YIPF7: variants seen among roughly 807,000 people sequenced by gnomAD.
YIPF7 encodes protein YIPF7.
In YIPF7, 35 loss-of-function variants were observed where a neutral mutation model predicts 27.2. The ratio of observed to expected loss-of-function variants is 1.29; its 90% CI spans 0.98 to 1.70. The LOEUF is 1.70. Among genes scored for constraint, YIPF7 ranks in the 40% most tolerant of loss-of-function variants. The pLI is 0.00. For synonymous variants in YIPF7, 137 were observed against 110.4 expected, an observed-to-expected ratio of 1.24 and a Z score of -1.51; for missense variants, 358 against 303.7, an observed-to-expected ratio of 1.18 and a Z score of -1.33.
intron 5 of YIPF7, among the ~76,000 whole-genome samples, chr4:44,624,088 GGA>G: frequency 6.8e-6 from 1 of 146,530 alleles, no homozygotes; most frequent in Non-Finnish European, 1.5e-5. Flanking sequence ...ATTTTGAGGT[GGA>G]GTTTCACTCT....
At position 44,635,954 on chromosome 4, in the gene YIPF7, T is replaced by C; in HGVS notation, c.248A>G (p.Asp83Gly). The C allele has an allele frequency of 6.2e-7, 1 of 1,613,876 alleles. No homozygotes were observed. Among genetic ancestry groups the C allele is most frequent in the Non-Finnish European group, 8.5e-7 (1 of 1,179,814 alleles). Residue 83 changes from aspartate to glycine, a missense_variant, in exon 3 of 6, where the codon GAC becomes GGC. Physicochemically the swap from Asp to Gly is moderately conservative, Grantham distance 94. Coordinates refer to ENST00000415895, the MANE Select transcript of YIPF7 (RefSeq NM_182592.3). ...CAAAGGAGGCTCTTCATCAAAACTGTCAATGTAAGGAGATTGTGAATAATA... is the reference window on the plus strand; with the variant it reads ...CAAAGGAGGCTCTTCATCAAAACTGCCAATGTAAGGAGATTGTGAATAATA... ...SDYYSQSPYI[D>G]SFDEEPPLLE...
intron 3 of YIPF7, among the ~76,000 whole-genome samples, 180 bp downstream of exon 3, chr4:44,635,742 T>C (rs973706593): frequency 7.2e-5 from 11 of 152,178 alleles, no homozygotes; most frequent in East Asian, 5.8e-4. Context: ...CAATTTCCCC[T>C]ATGCAAACAT....
At chr4:44,646,718 A>G (rs1008475549) in intron 2 of YIPF7, among the ~76,000 whole-genome samples, 1 of 152,192 alleles carries the variant, frequency 6.6e-6, no homozygotes, top group Non-Finnish European at 1.5e-5. Context: ...TAGTGAGCAC[A>G]GTCACCCAGC....
At chr4:44,634,913 T>C (rs1386626233) in intron 3 of YIPF7, among the ~76,000 whole-genome samples, 1 of 152,218 alleles carries the variant, frequency 6.6e-6, no homozygotes, top group Non-Finnish European at 1.5e-5. Flanking sequence ...ATGAACTGGT[T>C]AAAGATAACT....
intron 1 of YIPF7, among the ~76,000 whole-genome samples, chr4:44,661,528 T>G (rs568694339): frequency 2.6e-5 from 4 of 152,210 alleles, no homozygotes; most frequent in African/African-American, 9.6e-5. Flanking sequence ...GATTTGTAAA[T>G]AGTAAAATTT....
upstream of YIPF7, among the ~76,000 whole-genome samples, chr4:44,656,021 C>CT (rs375309309): frequency 9.9e-5 from 15 of 151,374 alleles, no homozygotes; most frequent in South Asian, 4.2e-4. Flanking sequence ...TGAATTTCCA[C>CT]TTTTTTTTTC....
At chr4:44,651,363 T>C (rs760692700) in intron 1 of YIPF7, among the ~76,000 whole-genome samples, 191 bp downstream of exon 1, 84 of 152,202 alleles carry the variant, frequency 5.5e-4, no homozygotes, top group Middle Eastern at 3.2e-3. Context: ...AATTACAATG[T>C]AATAGCATAA....
Position 44,651,082 on chromosome 4 carries a change from T to C in YIPF7, c.-2+472A>G, listed in dbSNP as rs537606184. Among the ~76,000 whole-genome samples, 4 of 152,342 alleles carry C rather than the reference T, an allele frequency of 2.6e-5. No individual in the cohort carries two copies. The South Asian group carries it at 8.3e-4, about 32-fold the overall frequency. ...CTTATAATAATCTATGGAATACTAC[T>C]TATAAAAATATCAAATGAAATTGCA... On this transcript the variant is annotated intron_variant, in intron 1 of 5. Transcript: ENST00000415895.
chr4:44,660,704 A>T (rs1226632973), intron 1 of YIPF7: 1 of 107,294 alleles, frequency 9.3e-6, no homozygotes, highest in Admixed American at 8.8e-5. Flanking sequence ...TAACTAGAAC[A>T]CATTTGGTGA....
At chr4:44,640,266 A>G (rs1713281842) in intron 2 of YIPF7, among the ~76,000 whole-genome samples, 1 of 152,132 alleles carries the variant, frequency 6.6e-6, no homozygotes, top group Non-Finnish European at 1.5e-5. Context: ...GATTAGTATT[A>G]TTTCTTTTTT....
At chr4:44,649,783 T>G (rs928452928) in intron 2 of YIPF7, among the ~76,000 whole-genome samples, 11 of 152,070 alleles carry the variant, frequency 7.2e-5, no homozygotes, top group African/African-American at 2.7e-4. Context: ...ATTGACACTT[T>G]GTTGCCTAAA....
intron 3 of YIPF7, 82 bp from the exon 4 acceptor site, chr4:44,629,630 A>C: frequency 2.0e-6 from 2 of 1,024,174 alleles, no homozygotes; most frequent in Non-Finnish European, 2.7e-6. Flanking sequence ...AAAGGTTAAC[A>C]TATCTGATTA....
chr4:44,658,954 G>A (rs76628635), intron 2 of YIPF7, among the ~76,000 whole-genome samples: 9,170 of 152,142 alleles, frequency 0.06, 323 homozygotes, highest in East Asian at 0.15. Flanking sequence ...AGAGATTTGG[G>A]CGAGGACTCA....
At chr4:44,651,282 A>T (rs1190949686) in intron 1 of YIPF7, among the ~76,000 whole-genome samples, 2 of 152,220 alleles carry the variant, frequency 1.3e-5, no homozygotes, top group Non-Finnish European at 2.9e-5. Flanking sequence ...TGTGTATAAA[A>T]GTAGCTATGA....
intron 2 of YIPF7, among the ~76,000 whole-genome samples, chr4:44,638,419 A>G (rs2109588643): frequency 6.6e-6 from 1 of 151,996 alleles, no homozygotes; most frequent in South Asian, 2.1e-4. Context: ...CACAATTCTC[A>G]AAAGAAGATA....
chr4:44,653,182 G>T (rs1002953748), upstream of YIPF7, among the ~76,000 whole-genome samples: 1 of 152,054 alleles, frequency 6.6e-6, no homozygotes, highest in Non-Finnish European at 1.5e-5. Flanking sequence ...AATGTTGCTA[G>T]GGATTTTTGA....
intron 2 of YIPF7, among the ~76,000 whole-genome samples, chr4:44,637,424 T>A (rs1713165304): frequency 1.3e-5 from 2 of 152,210 alleles, no homozygotes; most frequent in African/African-American, 4.8e-5. Flanking sequence ...TTTGTCATTT[T>A]AATAAGAGCC....
intron 2 of YIPF7, among the ~76,000 whole-genome samples, chr4:44,639,898 T>G (rs1560327002): frequency 6.6e-6 from 1 of 152,224 alleles, no homozygotes; most frequent in Non-Finnish European, 1.5e-5. Flanking sequence ...GTTTTTATTA[T>G]GAAAGGATGT....
chr4:44,645,050 C>T (rs569200105), intron 2 of YIPF7, among the ~76,000 whole-genome samples: 4 of 152,196 alleles, frequency 2.6e-5, no homozygotes, highest in Non-Finnish European at 4.4e-5. Context: ...GAAGCAGCTG[C>T]TGCCATGCTT....
Sources: gnomAD v4.1 joint callset for allele counts (sites outside exome capture counted in the v4.1 genomes callset) on GRCh38, gnomAD v4.1.1 for gene constraint, MANE v1.5 for transcripts, NCBI Gene and HGNC (gene_info 2026-07-23, HGNC 2026-07-21) for gene names.